Variants in DTNB observed in about 807,000 individuals in gnomAD.
DTNB encodes DTN-B.
In DTNB, 63 loss-of-function variants were observed where a neutral mutation model predicts 90.7. That is an observed-to-expected ratio of 0.69 (90% CI 0.57 to 0.86). The LOEUF is 0.86. DTNB is among the 40% of genes least tolerant of loss of function. The pLI is 0.00. For synonymous variants in DTNB, 277 were observed against 286.7 expected (o/e 0.97, Z 0.34); for missense variants, 744 against 807.1 (o/e 0.92, Z 0.95).
chr2:25,607,113 C>A, intron 5 of DTNB, 123 bp downstream of exon 5: 3 of 1,015,122 alleles, frequency 3.0e-6, no homozygotes, highest in East Asian at 2.7e-5. Context: ...CCAGCTGCTG[C>A]AGCGTGAGTG....
At chr2:25,499,151 A>G (rs2069792538) in intron 9 of DTNB, among the ~76,000 whole-genome samples, 1 of 151,478 alleles carries the variant, frequency 6.6e-6, no homozygotes, top group Admixed American at 6.6e-5. Context: ...GGGGAGGCGG[A>G]GGACGCACTC....
chr2:25,452,826 G>A (rs10495753), intron 11 of DTNB, among the ~76,000 whole-genome samples: 30,986 of 150,204 alleles, frequency 0.21, 3,733 homozygotes, highest in Non-Finnish European at 0.29. Context: ...TAAGTGCTTC[G>A]AGTCTTCGCC....
chr2:25,618,123 C>T (rs1210910042), intron 4 of DTNB, among the ~76,000 whole-genome samples: 1 of 152,136 alleles, frequency 6.6e-6, no homozygotes, highest in African/African-American at 2.4e-5. Context: ...CTTTTCTTGG[C>T]ACTGAAACCC....
intron 16 of DTNB, among the ~76,000 whole-genome samples, chr2:25,415,372 G>A (rs867754989): frequency 6.7e-6 from 1 of 150,372 alleles, no homozygotes. Context: ...TCAGCCTCCC[G>A]AGTAGCTGGG....
chr2:25,417,919 T>A (rs2048360987), intron 16 of DTNB, among the ~76,000 whole-genome samples: 1 of 152,140 alleles, frequency 6.6e-6, no homozygotes, highest in Admixed American at 6.5e-5. Flanking sequence ...AGGATTAGAC[T>A]TCCCAGCCCC....
intron 10 of DTNB, among the ~76,000 whole-genome samples, chr2:25,474,740 G>A (rs2063442821): frequency 6.6e-6 from 1 of 152,312 alleles, no homozygotes; most frequent in Non-Finnish European, 1.5e-5. Flanking sequence ...ACCCTGAGTT[G>A]AGCAAGGCCA....
chr2:25,463,974 C>T (rs554567555), intron 10 of DTNB, among the ~76,000 whole-genome samples: 45 of 152,324 alleles, frequency 3.0e-4, no homozygotes, highest in Non-Finnish European at 6.0e-4. Context: ...GGCGCAATCT[C>T]GGCTCACTGC....
Position 25,423,121 on chromosome 2 carries a change from C to T in DTNB, c.1555-3586G>A, listed in dbSNP as rs1452214306. Among the ~76,000 whole-genome samples the T allele has an allele frequency of 3.3e-5, 5 of 152,036 alleles. No individual in the cohort carries two copies. The South Asian group carries it at 6.2e-4, about 19-fold the overall frequency. ...AGGAGGCAGGAGACTCACTTGAATC[C>T]GGGAGGCAGAGGTTGCAGGGAGCCA... On this transcript the variant is annotated intron_variant, in intron 15 of 20. Coordinates refer to ENST00000406818, the MANE Select transcript of DTNB (RefSeq NM_021907.5).
chr2:25,545,890 G>A (rs1189615844), intron 8 of DTNB, among the ~76,000 whole-genome samples: 6 of 152,196 alleles, frequency 3.9e-5, no homozygotes, highest in African/African-American at 1.4e-4. Context: ...CCAAAGTGCT[G>A]GGATTACAGG....
intron 12 of DTNB, among the ~76,000 whole-genome samples, chr2:25,439,748 A>G (rs1341181330): frequency 6.6e-6 from 1 of 152,172 alleles, no homozygotes; most frequent in Non-Finnish European, 1.5e-5. Flanking sequence ...TTTCTTGTCT[A>G]TAAAATGGGA....
chr2:25,507,732 A>G (rs1223953372), intron 9 of DTNB, among the ~76,000 whole-genome samples: 3 of 152,222 alleles, frequency 2.0e-5, no homozygotes, highest in Non-Finnish European at 4.4e-5. Context: ...TGGAAGTCAG[A>G]TCAGTCAAAG....
At chr2:25,462,165 C>A (rs555182909) in intron 10 of DTNB, among the ~76,000 whole-genome samples, 1 of 152,178 alleles carries the variant, frequency 6.6e-6, no homozygotes, top group Non-Finnish European at 1.5e-5. Flanking sequence ...TTTGCAGGTG[C>A]GCTAGCTGCA....
intron 13 of DTNB, among the ~76,000 whole-genome samples, chr2:25,433,484 G>A (rs2054630392): frequency 6.6e-6 from 1 of 151,076 alleles, no homozygotes; most frequent in African/African-American, 2.4e-5. Flanking sequence ...AGTACATAAT[G>A]GTGTGCTGTC....
intron 9 of DTNB, among the ~76,000 whole-genome samples, chr2:25,503,636 C>T (rs184080688): frequency 3.9e-5 from 6 of 152,088 alleles, no homozygotes; most frequent in Admixed American, 1.3e-4. Flanking sequence ...GAAAAGAGGC[C>T]GGGCACAGTG....
chr2:25,387,183 T>C lies in DTNB; in HGVS notation c.1825+106A>G. On this transcript the variant is annotated intron_variant, in intron 18 of 20. Transcript: ENST00000406818. This position sits in a 1 kb window ranked among gnomAD's most constrained non-coding sequence, Gnocchi z 4.5. ...GGCAAAGTTAGGTGATGAAATGGGGTGGTGCAAGCTGGGTGGTGAGGTTCT... is the reference window on the plus strand; with the variant it reads ...GGCAAAGTTAGGTGATGAAATGGGGCGGTGCAAGCTGGGTGGTGAGGTTCT... 1.0e-6 allele frequency: 1 copy of C among 980,042 alleles called. No individual in the cohort carries two copies. 60.7% of individuals were successfully genotyped at this position (980,042 alleles called of 1,614,324 possible).
chr2:25,526,196 C>T (rs558010189), intron 9 of DTNB, among the ~76,000 whole-genome samples: 6 of 151,580 alleles, frequency 4.0e-5, no homozygotes, highest in Admixed American at 3.9e-4. Context: ...AGAACTGTAT[C>T]CTAGATATTA....
chr2:25,432,742 C>A, intron 14 of DTNB, 144 bp downstream of exon 14: 1 of 814,554 alleles, frequency 1.2e-6, no homozygotes, highest in Non-Finnish European at 2.0e-6. Context: ...GAAGCAGCAA[C>A]AGAATGGGTG....
At chr2:25,570,097 GA>G (rs58904320) in intron 8 of DTNB, among the ~76,000 whole-genome samples, 1,692 of 124,868 alleles carry the variant, frequency 0.014, 9 homozygotes, top group Non-Finnish European at 0.019. Flanking sequence ...ACTGCATCTG[GA>G]AAAAAAAAAA....
intron 1 of DTNB, among the ~76,000 whole-genome samples, chr2:25,673,134 C>T (rs916828459): frequency 1.3e-5 from 2 of 151,732 alleles, no homozygotes; most frequent in Non-Finnish European, 2.9e-5. Flanking sequence ...CCCGATACCC[C>T]TCCCGGCCCG....
Sources: gnomAD v4.1 joint callset for allele counts (sites outside exome capture counted in the v4.1 genomes callset) on GRCh38, gnomAD v4.1.1 for gene constraint, Gnocchi (gnomAD v3.1) non-coding constraint, MANE v1.5 for transcripts, NCBI Gene and HGNC (gene_info 2026-07-23, HGNC 2026-07-21) for gene names.